KCNJ6: variants seen among roughly 807,000 people sequenced by gnomAD.
KCNJ6 encodes potassium inwardly rectifying channel subfamily J member 6.
KCNJ6 carries 9 observed loss-of-function variants against 34.2 expected under a neutral mutation model. The observed-to-expected ratio is 0.26, with a 90% CI of 0.16 to 0.46. The LOEUF (loss-of-function observed/expected upper bound fraction) is 0.46, where lower values mean the gene tolerates loss of function less well. Ranked by LOEUF, KCNJ6 falls within the 20% of genes least tolerant of loss-of-function variation. The pLI, the probability that KCNJ6 is intolerant of heterozygous loss-of-function variation, is 1.00. For synonymous variants in KCNJ6, 196 were observed against 207.1 expected (o/e 0.95, Z 0.46); for missense variants, 236 against 531.3 (o/e 0.44, Z 5.46).
Position 37,855,457 on chromosome 21 carries a change from A to G in KCNJ6, c.-27-14748T>C, listed in dbSNP as rs190889518. 2.2e-4 allele frequency among the ~76,000 whole-genome samples: 34 copies of G among 152,368 alleles called. No homozygotes were observed. In the East Asian group the frequency reaches 5.2e-3, roughly 23 times the overall value. Reference sequence around the variant, plus strand: ...ACTGTTCTTGGAACCTTTCTATAGAATACTAGAGGAAAGAGGAAGATAGTT... The same window carrying G: ...ACTGTTCTTGGAACCTTTCTATAGAGTACTAGAGGAAAGAGGAAGATAGTT... On this transcript the variant is annotated intron_variant, in intron 1 of 3. Transcript: ENST00000609713.
chr21:37,903,705 A>G (rs552156888), intron 1 of KCNJ6, among the ~76,000 whole-genome samples: 55 of 151,944 alleles, frequency 3.6e-4, no homozygotes, highest in African/African-American at 1.2e-3. Context: ...AGCAATATCA[A>G]TAGTTCCTCT....
At chr21:37,813,353 T>C (rs1378546844) in intron 2 of KCNJ6, among the ~76,000 whole-genome samples, 1 of 152,214 alleles carries the variant, frequency 6.6e-6, no homozygotes, top group Non-Finnish European at 1.5e-5. Context: ...ACAGATTCAA[T>C]GTATTCCCTA....
At chr21:37,777,548 A>C (rs559721594) in intron 2 of KCNJ6, among the ~76,000 whole-genome samples, 1 of 152,320 alleles carries the variant, frequency 6.6e-6, no homozygotes, top group East Asian at 1.9e-4. Flanking sequence ...TAGCACTTAG[A>C]ATAGAGCTAA....
chr21:37,718,638 G>A (rs1048459010), intron 2 of KCNJ6, among the ~76,000 whole-genome samples: 5 of 152,038 alleles, frequency 3.3e-5, no homozygotes, highest in Admixed American at 6.5e-5. Context: ...GATGCAGGGC[G>A]GGGAACATCA....
chr21:37,694,458 C>A (rs946374507), intron 3 of KCNJ6, among the ~76,000 whole-genome samples: 4 of 152,190 alleles, frequency 2.6e-5, no homozygotes, highest in African/African-American at 9.7e-5. Flanking sequence ...CCACATTTTA[C>A]ATATAGGGAT....
chr21:37,814,636 C>T (rs2156073), intron 2 of KCNJ6, among the ~76,000 whole-genome samples: 3 of 152,010 alleles, frequency 2.0e-5, no homozygotes, highest in Non-Finnish European at 4.4e-5. Flanking sequence ...TGGCAACTCA[C>T]GCCTGTAATC....
chr21:37,910,336 T>C (rs1204501247), intron 1 of KCNJ6, among the ~76,000 whole-genome samples: 4 of 152,180 alleles, frequency 2.6e-5, no homozygotes, highest in Non-Finnish European at 5.9e-5. Flanking sequence ...TTGTCAAACT[T>C]GCACAAGTTC....
intron 2 of KCNJ6, among the ~76,000 whole-genome samples, chr21:37,792,379 TCC>T (rs1773525642): frequency 1.3e-5 from 2 of 152,192 alleles, no homozygotes; most frequent in South Asian, 4.1e-4. Flanking sequence ...TAAACTCAGT[TCC>T]CCTCTCTGCA....
intron 2 of KCNJ6, among the ~76,000 whole-genome samples, chr21:37,792,121 T>C (rs1435189508): frequency 6.6e-6 from 1 of 152,212 alleles, no homozygotes; most frequent in African/African-American, 2.4e-5. Context: ...CCTGGGCCAG[T>C]AGGTTTATCA....
intron 1 of KCNJ6, among the ~76,000 whole-genome samples, chr21:37,848,977 A>C (rs2055524092): frequency 6.6e-6 from 1 of 152,184 alleles, no homozygotes; most frequent in African/African-American, 2.4e-5. Context: ...TGAGTGACTC[A>C]TTTCTCCTTT....
chr21:37,822,636 C>T (rs777656887), intron 2 of KCNJ6, among the ~76,000 whole-genome samples: 1 of 152,148 alleles, frequency 6.6e-6, no homozygotes, highest in Non-Finnish European at 1.5e-5. Context: ...TTTGTTGGAG[C>T]CTGCTCACAT....
chr21:37,879,914 G>A lies in KCNJ6; in HGVS notation c.-28+35970C>T, dbSNP rs142230500. Among the ~76,000 whole-genome samples, 468 of 152,118 alleles carry A rather than the reference G, an allele frequency of 3.1e-3. 5 individuals are homozygous for A. The highest frequency in any genetic ancestry group is 0.011 in the African/African-American group (463 of 41,464). On this transcript the variant is annotated intron_variant, in intron 1 of 3. Transcript: ENST00000609713. ...CAAAACGGAAGTAAAAAAACCCTTT[G>A]ACTCACCTATAGGTTTTTATAGAAA...
intron 2 of KCNJ6, among the ~76,000 whole-genome samples, chr21:37,784,976 A>C (rs1049134934): frequency 1.3e-5 from 2 of 152,192 alleles, no homozygotes; most frequent in African/African-American, 2.4e-5. Context: ...ACAGAGATTC[A>C]TCTCCTAAGA....
intron 2 of KCNJ6, among the ~76,000 whole-genome samples, chr21:37,766,566 A>AGTCAGTAT (rs1205472348): frequency 6.6e-6 from 1 of 152,202 alleles, no homozygotes; most frequent in East Asian, 1.9e-4. Context: ...GAGGGTTCTA[A>AGTCAGTAT]GTCAGTATGG....
chr21:37,774,226 A>T (rs1030530442), intron 2 of KCNJ6, among the ~76,000 whole-genome samples: 1 of 152,158 alleles, frequency 6.6e-6, no homozygotes, highest in African/African-American at 2.4e-5. Context: ...CAGTTTCCTC[A>T]GCTGTAAAAT....
chr21:37,810,442 A>T (rs538325058), intron 2 of KCNJ6, among the ~76,000 whole-genome samples: 1 of 152,330 alleles, frequency 6.6e-6, no homozygotes, highest in East Asian at 1.9e-4. Context: ...GCAAGGTTTG[A>T]TCCACATTGC....
In KCNJ6 at chr21:37,633,153, G is replaced by A. The variant is rs537607372; in HGVS notation, c.947-7669C>T. 3.3e-5 allele frequency among the ~76,000 whole-genome samples: 5 copies of A among 152,186 alleles called. No individual in the cohort carries two copies. The East Asian group carries it at 9.6e-4, about 29-fold the overall frequency. ...AAAAAAGACACCATGATCAAGTTGG[G>A]TTTATTCCAAGGAATGCAAGGGTGG... On this transcript the variant is annotated intron_variant, in intron 3 of 3. Coordinates refer to ENST00000609713, the MANE Select transcript of KCNJ6 (RefSeq NM_002240.5).
At chr21:37,840,633 A>G (rs1312228934) in intron 2 of KCNJ6, 25 bp downstream of exon 2, 1 of 1,557,564 alleles carries the variant, frequency 6.4e-7, no homozygotes, top group South Asian at 1.1e-5. Context: ...AACAAAAAAT[A>G]AATAATAAAT....
chr21:37,798,420 G>T (rs1205689810), intron 2 of KCNJ6, among the ~76,000 whole-genome samples: 2 of 152,160 alleles, frequency 1.3e-5, no homozygotes, highest in Non-Finnish European at 2.9e-5. Flanking sequence ...GCATTTGAGT[G>T]CAGTTACCCT....
Sources: gnomAD v4.1 joint callset for allele counts (sites outside exome capture counted in the v4.1 genomes callset) on GRCh38, gnomAD v4.1.1 for gene constraint, MANE v1.5 for transcripts, NCBI Gene and HGNC (gene_info 2026-07-23, HGNC 2026-07-21) for gene names.